The following GGA2 variants were observed in gnomAD, a reference collection of about 807,000 sequenced individuals.
GGA2 encodes the protein ADP-ribosylation factor-binding protein GGA2.
A neutral mutation model predicts 79.5 loss-of-function variants in GGA2; 48 were observed. That is an observed-to-expected ratio of 0.60 (90% CI 0.48 to 0.77). The LOEUF (loss-of-function observed/expected upper bound fraction) is 0.77, where lower values mean the gene tolerates loss of function less well. Among genes scored for constraint, GGA2 ranks in the 30% least tolerant of loss-of-function variants. GGA2 has a pLI of 0.00. For missense variants in GGA2, 770 were observed against 774.0 expected, an observed-to-expected ratio of 0.99 and a Z score of 0.06; for synonymous variants, 317 against 302.0, an observed-to-expected ratio of 1.05 and a Z score of -0.51.
rs1421807082 is a variant in GGA2 at position 23,466,665 on chromosome 16, G to A, written c.*925C>T. On this transcript the variant is annotated 3_prime_UTR_variant, in exon 17 of 17. Coordinates refer to ENST00000309859, the MANE Select transcript of GGA2 (RefSeq NM_015044.4). ...TCAATCACTGCTAAGCTCTCTTCATGTCTATCTGTACCACAGTTTCCCATC... is the reference window on the plus strand; with the variant it reads ...TCAATCACTGCTAAGCTCTCTTCATATCTATCTGTACCACAGTTTCCCATC... The A allele has an allele frequency of 1.4e-5, 2 of 146,534 alleles. No individual in the cohort carries two copies. The highest frequency in any genetic ancestry group is 3.0e-5 in the Non-Finnish European group (2 of 66,288). 9.1% of individuals were successfully genotyped at this position (146,534 alleles called of 1,614,324 possible).
In GGA2 at chr16:23,486,760, G is replaced by T; in HGVS notation, c.610C>A (p.Pro204Thr). 1 of 1,612,190 alleles carries T rather than the reference G, an allele frequency of 6.2e-7. No individual in the cohort carries two copies. Among genetic ancestry groups the T allele is most frequent in the Non-Finnish European group, 8.5e-7 (1 of 1,178,218 alleles). Residue 204 changes from proline to threonine, a missense_variant, in exon 7 of 17, where the codon CCC becomes ACC. Physicochemically the swap from Pro to Thr is conservative, Grantham distance 38 (BLOSUM62 -1). Coordinates refer to ENST00000309859, the MANE Select transcript of GGA2 (RefSeq NM_015044.4). ...LLTRLLKSNH[P>T]EDLQAANRLI... ...CGGTTTGCAGCCTGAAGGTCCTCGGGGTGGTTGCTCTTTAGAAGCCTTGTC... is the reference window on the plus strand; with the variant it reads ...CGGTTTGCAGCCTGAAGGTCCTCGGTGTGGTTGCTCTTTAGAAGCCTTGTC...
At chr16:23,515,321 G>A (rs1057342358), upstream of GGA2, among the ~76,000 whole-genome samples, 16 of 151,562 alleles carry the variant, frequency 1.1e-4, no homozygotes, top group Admixed American at 1.1e-3. Flanking sequence ...AAAAGGCCAG[G>A]CATGGTGGCT....
At position 23,491,719 on chromosome 16, in the gene GGA2, C is replaced by T. The variant is rs79515799; in HGVS notation, c.433G>A (p.Asp145Asn). 1.5e-4 allele frequency: 240 copies of T among 1,612,942 alleles called. 1 individual carries two copies. Among genetic ancestry groups the T allele is most frequent in the South Asian group, 7.9e-4 (72 of 91,050 alleles). Residue 145 changes from aspartate to asparagine, a missense_variant, in exon 5 of 17, where the codon GAC becomes AAC. Asp to Asn is a conservative substitution (Grantham distance 23). Coordinates refer to ENST00000309859, the MANE Select transcript of GGA2 (RefSeq NM_015044.4). The stretch of plus-strand genomic sequence containing the variant: ...TGATAAGCGTCTCGAATCTTGATGT[C>T]TTCCGGAAACCAGACTGTCCAACTG... ...LFSWTVWFPE[D>N]IKIRDAYQML...
upstream of GGA2, among the ~76,000 whole-genome samples, chr16:23,514,504 G>A (rs913443984): frequency 2.6e-5 from 4 of 151,704 alleles, no homozygotes; most frequent in African/African-American, 4.8e-5. Context: ...CTGGAGTTCC[G>A]TGGCACCACC....
chr16:23,472,956 C>T (rs889434669), intron 14 of GGA2, among the ~76,000 whole-genome samples: 1 of 149,780 alleles, frequency 6.7e-6, no homozygotes, highest in African/African-American at 2.5e-5. Context: ...TGGTGTGAAT[C>T]CAGGAGGTGA....
intron 1 of GGA2, chr16:23,501,128 G>A (rs1180990131): frequency 2.5e-5 from 10 of 407,424 alleles, no homozygotes; most frequent in Non-Finnish European, 4.3e-5. Flanking sequence ...AGGTTCCAGG[G>A]AAATCCTTCG....
At chr16:23,484,048 G>A (rs1009418670) in intron 8 of GGA2, among the ~76,000 whole-genome samples, 10 of 150,918 alleles carry the variant, frequency 6.6e-5, no homozygotes, top group Non-Finnish European at 1.5e-5. Context: ...CAGCACTTCA[G>A]GAGGCCAAGG....
In GGA2 at chr16:23,465,118, G is replaced by T; in HGVS notation, c.*2472C>A. On this transcript the variant is annotated 3_prime_UTR_variant, in exon 17 of 17. Transcript: ENST00000309859. ...CCCCAGAGGAAAAGAAGCTCCTTCA[G>T]GGTGGTGCCTGGCTCAGGGTAGCTG... The T allele has an allele frequency of 1.7e-6, 1 of 582,136 alleles. No homozygotes were observed. The highest frequency in any genetic ancestry group is 3.1e-6 in the Non-Finnish European group (1 of 327,304). 36.1% of individuals were successfully genotyped at this position (582,136 alleles called of 1,614,324 possible). A position where few individuals can be genotyped will look rare whatever the true frequency, so the allele number is the denominator to read the frequency against.
intron 1 of GGA2, among the ~76,000 whole-genome samples, chr16:23,503,535 A>G (rs1964942145): frequency 1.3e-5 from 2 of 152,226 alleles, no homozygotes; most frequent in Admixed American, 1.3e-4. Flanking sequence ...TTGAAAATAA[A>G]TGGCAAAATA....
chr16:23,493,278 C>G lies in GGA2; in HGVS notation c.351+82G>C, dbSNP rs913824131. The G allele has an allele frequency of 6.2e-5, 52 of 842,330 alleles. No individual in the cohort carries two copies. In the African/African-American group the frequency reaches 7.4e-4, roughly 12 times the overall value. The allele number at this position is 842,330 out of a possible 1,614,324, so 52.2% of individuals were successfully genotyped here. A position where few individuals can be genotyped will look rare whatever the true frequency, so the allele number is the denominator to read the frequency against. ...CAGGTTTTGTCCATGCGTGGGCCTGCCTCTGGCCTGAGGAGGGAGCCAGGA... is the reference window on the plus strand; with the variant it reads ...CAGGTTTTGTCCATGCGTGGGCCTGGCTCTGGCCTGAGGAGGGAGCCAGGA... On this transcript the variant is annotated intron_variant, in intron 4 of 16. Transcript: ENST00000309859.
At chr16:23,495,527 G>A (rs920582548) in intron 2 of GGA2, 167 bp downstream of exon 2, 8 of 413,698 alleles carry the variant, frequency 1.9e-5, no homozygotes, top group Non-Finnish European at 3.5e-5. Context: ...AAACTCCTGG[G>A]CTCAAGCAAT....
rs572975642 is a variant in GGA2, at chr16:23,466,421, C to T, written c.*1169G>A. On this transcript the variant is annotated 3_prime_UTR_variant, in exon 17 of 17. Transcript: ENST00000309859. Reference sequence around the variant, plus strand: ...TTCCATCAACAAATATCCACCTCTCCTGTCCAGCTTGCCTCAGATCTTCAG... The same window carrying T: ...TTCCATCAACAAATATCCACCTCTCTTGTCCAGCTTGCCTCAGATCTTCAG... 1.2e-4 allele frequency: 18 copies of T among 152,222 alleles called. No homozygotes were observed. Among genetic ancestry groups the T allele is most frequent in the Non-Finnish European group, 2.4e-4 (16 of 68,040 alleles). The allele number at this position is 152,222 out of a possible 1,614,324, so 9.4% of individuals were successfully genotyped here. A position where few individuals can be genotyped will look rare whatever the true frequency, so the allele number is the denominator to read the frequency against.
upstream of GGA2, chr16:23,510,557 C>CG (rs908704270): frequency 2.1e-5 from 8 of 389,604 alleles, no homozygotes; most frequent in African/African-American, 6.3e-5. Flanking sequence ...CCCCAGGCCC[C>CG]CCCTCCACGC....
chr16:23,483,384 C>T, intron 8 of GGA2, among the ~76,000 whole-genome samples: 1 of 152,088 alleles, frequency 6.6e-6, no homozygotes. Flanking sequence ...ATCCCAGCTA[C>T]TCGGGAGGCT....
intron 1 of GGA2, among the ~76,000 whole-genome samples, chr16:23,520,310 C>CT (rs1443479064): frequency 1.3e-5 from 2 of 150,296 alleles, no homozygotes; most frequent in Non-Finnish European, 3.0e-5. Flanking sequence ...CCTTACAACT[C>CT]TTTGAGATGG....
chr16:23,504,417 T>C (rs958187550), intron 1 of GGA2, among the ~76,000 whole-genome samples: 6 of 152,062 alleles, frequency 3.9e-5, no homozygotes. Flanking sequence ...CCTAGAAGAG[T>C]TGCTGGCAGG....
At chr16:23,515,204 G>C (rs1965096400), upstream of GGA2, among the ~76,000 whole-genome samples, 1 of 151,392 alleles carries the variant, frequency 6.6e-6, no homozygotes, top group African/African-American at 2.4e-5. Context: ...AGTCCCTGTA[G>C]TCTCAGCTAC....
chr16:23,470,764 CAAAA>C (rs1225500791), intron 14 of GGA2, among the ~76,000 whole-genome samples: 3 of 132,670 alleles, frequency 2.3e-5, no homozygotes, highest in Non-Finnish European at 4.9e-5. Context: ...AACAAACAAA[CAAAA>C]AACAAAAAGC....
At chr16:23,490,550 T>C (rs560566599) in intron 5 of GGA2, among the ~76,000 whole-genome samples, 4 of 152,030 alleles carry the variant, frequency 2.6e-5, no homozygotes, top group East Asian at 1.9e-4. Flanking sequence ...GCCTGAGCAA[T>C]GTGGTGAAAC....
Sources: allele counts gnomAD v4.1 joint callset (sites outside exome capture counted in the v4.1 genomes callset), GRCh38; gene constraint gnomAD v4.1.1; transcripts MANE v1.5; gene names NCBI Gene and HGNC (gene_info 2026-07-23, HGNC 2026-07-21).